Variants in PLOD2 observed in about 807,000 individuals in gnomAD.
PLOD2 encodes the protein procollagen-lysine,2-oxoglutarate 5-dioxygenase 2.
In PLOD2, 65 loss-of-function variants were observed where a neutral mutation model predicts 101.0. The observed-to-expected ratio is 0.64, with a 90% CI of 0.53 to 0.79. PLOD2 has a LOEUF of 0.79. Among genes scored for constraint, PLOD2 ranks in the 30% least tolerant of loss-of-function variants. PLOD2 has a pLI of 0.00. For missense variants in PLOD2, 909 were observed against 914.6 expected (o/e 0.99, Z 0.08); for synonymous variants, 314 against 302.9 (o/e 1.04, Z -0.38).
chr3:146,128,051 T>G (rs533602824), intron 1 of PLOD2, among the ~76,000 whole-genome samples: 1 of 152,022 alleles, frequency 6.6e-6, no homozygotes, highest in Non-Finnish European at 1.5e-5. Flanking sequence ...AGATAGAAAA[T>G]TATGCAATGT....
At chr3:146,152,367 C>G (rs1025177114) in intron 1 of PLOD2, among the ~76,000 whole-genome samples, 8 of 152,138 alleles carry the variant, frequency 5.3e-5, no homozygotes, top group Non-Finnish European at 1.2e-4. Flanking sequence ...TTGCAGTGAG[C>G]CGAGATTGCA....
chr3:146,136,733 C>T (rs2031250926), intron 1 of PLOD2, among the ~76,000 whole-genome samples: 1 of 152,134 alleles, frequency 6.6e-6, no homozygotes, highest in South Asian at 2.1e-4. Context: ...CATTGTGTGA[C>T]AACTACCTAA....
chr3:146,094,008 C>T (rs1310516013), intron 7 of PLOD2, among the ~76,000 whole-genome samples: 2 of 152,240 alleles, frequency 1.3e-5, no homozygotes, highest in East Asian at 3.9e-4. Flanking sequence ...CCACCATCAC[C>T]ACCCCCCATT....
intron 1 of PLOD2, among the ~76,000 whole-genome samples, chr3:146,144,409 A>G (rs2031673748): frequency 6.6e-6 from 1 of 152,110 alleles, no homozygotes; most frequent in Non-Finnish European, 1.5e-5. Flanking sequence ...CAAGATTTCC[A>G]TACCCTTTTG....
At chr3:146,122,966 A>G (rs768965031) in intron 2 of PLOD2, among the ~76,000 whole-genome samples, 52 of 152,148 alleles carry the variant, frequency 3.4e-4, no homozygotes, top group Non-Finnish European at 6.3e-4. Flanking sequence ...CTATCAGTGC[A>G]TACTGCTACA....
At chr3:146,085,500 G>A in intron 10 of PLOD2, 1 of 528,070 alleles carries the variant, frequency 1.9e-6, no homozygotes, top group Non-Finnish European at 3.3e-6. Context: ...TTTTAAGCCA[G>A]TTAAAATATA....
intron 16 of PLOD2, among the ~76,000 whole-genome samples, chr3:146,072,969 T>A (rs1936204881): frequency 6.6e-6 from 1 of 151,700 alleles, no homozygotes; most frequent in African/African-American, 2.4e-5. Flanking sequence ...CAGCCCAGTT[T>A]CTTCCAAAGA....
chr3:146,140,498 C>T (rs1290305729), intron 1 of PLOD2, among the ~76,000 whole-genome samples: 1 of 152,070 alleles, frequency 6.6e-6, no homozygotes, highest in East Asian at 1.9e-4. Flanking sequence ...GTAGAAGGAA[C>T]TCAGTAATTT....
At chr3:146,137,822 G>A (rs564463138) in intron 1 of PLOD2, among the ~76,000 whole-genome samples, 1 of 152,144 alleles carries the variant, frequency 6.6e-6, no homozygotes, top group African/African-American at 2.4e-5. Flanking sequence ...TCCTAGGTAT[G>A]CCAAATAATA....
intron 1 of PLOD2, among the ~76,000 whole-genome samples, chr3:146,148,140 G>A (rs973882707): frequency 2.6e-5 from 4 of 152,002 alleles, no homozygotes; most frequent in Non-Finnish European, 5.9e-5. Context: ...TTATGGATCC[G>A]GATCAAACAA....
intron 15 of PLOD2, chr3:146,076,513 GA>G (rs1315437071): frequency 7.6e-6 from 2 of 262,932 alleles, no homozygotes; most frequent in Non-Finnish European, 1.5e-5. Flanking sequence ...AGATCTTTGA[GA>G]AATCTTCAAA....
At chr3:146,153,621 C>A (rs1480545526) in intron 1 of PLOD2, among the ~76,000 whole-genome samples, 3 of 152,144 alleles carry the variant, frequency 2.0e-5, no homozygotes, top group Non-Finnish European at 4.4e-5. Context: ...CCTAGCATCA[C>A]AAAGCCAAGG....
intron 1 of PLOD2, among the ~76,000 whole-genome samples, chr3:146,135,975 A>C (rs578240469): frequency 6.6e-6 from 1 of 152,162 alleles, no homozygotes; most frequent in Non-Finnish European, 1.5e-5. Flanking sequence ...GTATCTCTAC[A>C]ATAAATTCCA....
chr3:146,158,654 G>T (rs1272493786), intron 1 of PLOD2, among the ~76,000 whole-genome samples: 1 of 147,338 alleles, frequency 6.8e-6, no homozygotes, highest in Non-Finnish European at 1.5e-5. Context: ...TCCCTCTGGG[G>T]ACATTAGGCC....
intron 2 of PLOD2, among the ~76,000 whole-genome samples, chr3:146,123,037 T>A (rs2030285926): frequency 1.3e-5 from 2 of 152,178 alleles, no homozygotes; most frequent in South Asian, 4.1e-4. Flanking sequence ...ATATTAAACA[T>A]CTAGTTGTTA....
intron 1 of PLOD2, among the ~76,000 whole-genome samples, chr3:146,159,026 C>T (rs2032440379): frequency 6.6e-6 from 1 of 152,178 alleles, no homozygotes; most frequent in African/African-American, 2.4e-5. Flanking sequence ...CATGATTCTG[C>T]CCACTTTATC....
At chr3:146,101,821 TAAGATAGAGACTGAAGGAGGGCAC>T (rs1937399402) in intron 7 of PLOD2, among the ~76,000 whole-genome samples, 1 of 152,138 alleles carries the variant, frequency 6.6e-6, no homozygotes, top group Non-Finnish European at 1.5e-5. Context: ...AAACTGATTA[TAAGATAGAGACTGAAGGAGGGCAC>T]AAGATAGAGA....
intron 1 of PLOD2, among the ~76,000 whole-genome samples, chr3:146,153,829 CAA>C (rs57315523): frequency 5.6e-4 from 62 of 110,222 alleles, no homozygotes; most frequent in Admixed American, 1.8e-3. Flanking sequence ...GTCCACAGCA[CAA>C]AAAAAAAAAA....
chr3:146,113,852 G>A (rs1300927549), intron 3 of PLOD2, among the ~76,000 whole-genome samples: 1 of 152,206 alleles, frequency 6.6e-6, no homozygotes, highest in African/African-American at 2.4e-5. Flanking sequence ...GACTGCCTGA[G>A]AGCCGGGCGG....
Sources: allele counts gnomAD v4.1 joint callset (sites outside exome capture counted in the v4.1 genomes callset), GRCh38; gene constraint gnomAD v4.1.1; transcripts MANE v1.5; gene names NCBI Gene and HGNC (gene_info 2026-07-23, HGNC 2026-07-21).